The following CDKL4 variants were observed in gnomAD, a reference collection of about 807,000 sequenced individuals.
CDKL4 encodes the protein cyclin-dependent kinase-like 4.
CDKL4 carries 44 observed loss-of-function variants against 42.0 expected under a neutral mutation model. The ratio of observed to expected loss-of-function variants is 1.05; its 90% CI spans 0.82 to 1.35. The LOEUF is 1.35. CDKL4 is among the 40% of genes most tolerant of loss of function. The probability of loss-of-function intolerance (pLI) is 0.00; values close to 1 mark genes in which losing one functional copy is unlikely to be tolerated. For synonymous variants in CDKL4, 120 were observed against 121.6 expected (o/e 0.99, Z 0.09); for missense variants, 393 against 369.9 (o/e 1.06, Z -0.51).
chr2:39,192,940 A>C (rs1676275070), intron 5 of CDKL4, among the ~76,000 whole-genome samples: 1 of 148,560 alleles, frequency 6.7e-6, no homozygotes, highest in East Asian at 2.0e-4. Flanking sequence ...AGCCTGGGCA[A>C]CATGGTGAAA....
downstream of CDKL4, among the ~76,000 whole-genome samples, chr2:39,173,812 CA>C (rs548800502): frequency 0.037 from 3,513 of 95,116 alleles, 69 homozygotes; most frequent in African/African-American, 0.057. Flanking sequence ...GACTCCATCT[CA>C]AAAAAAAAAA....
intron 3 of CDKL4, among the ~76,000 whole-genome samples, chr2:39,223,579 C>CT (rs1678503887): frequency 8.2e-6 from 1 of 122,676 alleles, no homozygotes; most frequent in African/African-American, 3.4e-5. Flanking sequence ...TCATTTCCTT[C>CT]TCTTTTTTTT....
rs138511231 is a variant in CDKL4, at chr2:39,235,109, C to T, written c.-56-5521G>A. 6.6e-3 allele frequency among the ~76,000 whole-genome samples: 1,004 copies of T among 152,058 alleles called. 11 individuals carry two copies. Among genetic ancestry groups the T allele is most frequent in the African/African-American group, 0.023 (964 of 41,472 alleles). ...CCAGGGCTGGTCTCAAACTCCTGGG[C>T]TAAATCGATTTTCCCACCTTGGCCT... On this transcript the variant is annotated intron_variant, in intron 1 of 9. Coordinates refer to ENST00000451199, the Ensembl canonical transcript of CDKL4.
intron 3 of CDKL4, among the ~76,000 whole-genome samples, chr2:39,218,503 C>A (rs533380792): frequency 6.6e-6 from 1 of 151,630 alleles, no homozygotes; most frequent in Non-Finnish European, 1.5e-5. Context: ...TCTCAAAAAA[C>A]AAAAAAAACC....
chr2:39,180,356 T>C (rs1675364620), intron 8 of CDKL4, among the ~76,000 whole-genome samples: 1 of 152,232 alleles, frequency 6.6e-6, no homozygotes, highest in Non-Finnish European at 1.5e-5. Context: ...GCCCAGACAA[T>C]TGCGTTGCCT....
chr2:39,226,465 T>TTATATATATATTATATATATTA (rs1558580595), intron 2 of CDKL4, among the ~76,000 whole-genome samples: 8 of 102,792 alleles, frequency 7.8e-5, no homozygotes, highest in South Asian at 3.0e-4. Flanking sequence ...ATTATATATA[T>TTATATATATATTATATATATTA]TATATATATA....
chr2:39,214,786 G>A (rs1677813611), intron 3 of CDKL4, among the ~76,000 whole-genome samples: 1 of 152,132 alleles, frequency 6.6e-6, no homozygotes, highest in South Asian at 2.1e-4. Flanking sequence ...CCAAAAGGCG[G>A]CCAGGGAGAA....
intron 1 of CDKL4, among the ~76,000 whole-genome samples, chr2:39,238,007 G>A (rs1391833987): frequency 2.0e-5 from 3 of 152,192 alleles, no homozygotes; most frequent in Non-Finnish European, 4.4e-5. Context: ...CAACTGAAGT[G>A]CAAGACCTGC....
chr2:39,203,611 T>C (rs1676985495), intron 5 of CDKL4, among the ~76,000 whole-genome samples: 1 of 152,216 alleles, frequency 6.6e-6, no homozygotes, highest in African/African-American at 2.4e-5. Flanking sequence ...GTTTTCACTT[T>C]CCTTTTTCTC....
intron 7 of CDKL4, among the ~76,000 whole-genome samples, chr2:39,185,425 TACATATGTATATATACATGTATATATAC>T (rs1675758678): frequency 1.0e-4 from 2 of 19,868 alleles, no homozygotes; most frequent in Non-Finnish European, 4.6e-4. Flanking sequence ...CATATATATA[TACATATGTATATATACATGTATATATAC>T]ATATGTGTAT....
Position 39,217,943 on chromosome 2 carries a change from G to A in CDKL4, c.291-4471C>T, listed in dbSNP as rs370801366. 5.3e-5 allele frequency among the ~76,000 whole-genome samples: 8 copies of A among 152,080 alleles called. No individual in the cohort carries two copies. In the East Asian group the frequency reaches 1.6e-3, roughly 30 times the overall value. On this transcript the variant is annotated intron_variant, in intron 3 of 9. Transcript: ENST00000451199. ...AGATGGGGTTTCTTCATGTTGGTCAGGCTGGTCTTGAACTCCTGACCTCAG... is the reference window on the plus strand; with the variant it reads ...AGATGGGGTTTCTTCATGTTGGTCAAGCTGGTCTTGAACTCCTGACCTCAG...
exon 3 of CDKL4, chr2:39,225,906 T>C (rs776084989): frequency 1.2e-6 from 2 of 1,611,940 alleles, no homozygotes; most frequent in Admixed American, 3.4e-5. Flanking sequence ...AAATGCATTT[T>C]CCTTTTTCTC....
At position 39,190,250 on chromosome 2, in the gene CDKL4, CAT is replaced by C. The variant is rs1197861150; in HGVS notation, c.652+53_652+54del. 3 of 1,207,082 alleles carry C rather than the reference CAT, an allele frequency of 2.5e-6. No homozygotes were observed. The African/African-American group carries it at 4.6e-5, about 18-fold the overall frequency. 74.8% of individuals were successfully genotyped at this position (1,207,082 alleles called of 1,614,324 possible). A position where few individuals can be genotyped will look rare whatever the true frequency, so the allele number is the denominator to read the frequency against. ...ATTTATTTATTTTTTATTATAGTAACATATGAATGCTATAACAATTCAGCAAC... is the reference window on the plus strand; with the variant it reads ...ATTTATTTATTTTTTATTATAGTAACATGAATGCTATAACAATTCAGCAAC... On this transcript the variant is annotated intron_variant, in intron 6 of 9. Coordinates refer to ENST00000451199, the Ensembl canonical transcript of CDKL4.
chr2:39,176,782 C>G (rs1675186114), intron 9 of CDKL4, among the ~76,000 whole-genome samples: 1 of 152,170 alleles, frequency 6.6e-6, no homozygotes. Context: ...GGCTTAAAAC[C>G]TCTTTACTAT....
chr2:39,200,011 T>TA (rs1330631307), intron 5 of CDKL4, among the ~76,000 whole-genome samples: 1 of 151,894 alleles, frequency 6.6e-6, no homozygotes, highest in African/African-American at 2.4e-5. Flanking sequence ...GAGAAAAAAA[T>TA]AAAGGGCATC....
chr2:39,188,754 A>C (rs1391288156), intron 6 of CDKL4, among the ~76,000 whole-genome samples: 1 of 151,898 alleles, frequency 6.6e-6, no homozygotes, highest in East Asian at 1.9e-4. Context: ...CAGTGGCATG[A>C]TCATGGCTCA....
rs558526303 is a variant in CDKL4, at chr2:39,194,761, A to T, written c.455-4259T>A. ...CTTTAAAATTTTTATCTCTCTGTGT[A>T]TATCTATATATCTATATATAGGAGG... On this transcript the variant is annotated intron_variant, in intron 5 of 9. Transcript: ENST00000451199. 3.9e-5 allele frequency among the ~76,000 whole-genome samples: 6 copies of T among 152,280 alleles called. No homozygotes were observed. The East Asian group carries it at 1.2e-3, about 29-fold the overall frequency.
At chr2:39,186,654 T>C (rs1322889895) in intron 7 of CDKL4, among the ~76,000 whole-genome samples, 1 of 152,196 alleles carries the variant, frequency 6.6e-6, no homozygotes, top group East Asian at 1.9e-4. Flanking sequence ...GGGGATCATT[T>C]TGTAAAACAA....
chr2:39,203,435 T>C (rs939507367), intron 5 of CDKL4, among the ~76,000 whole-genome samples: 1 of 152,116 alleles, frequency 6.6e-6, no homozygotes, highest in African/African-American at 2.4e-5. Context: ...ATTTTGGTGG[T>C]ATATAATGGA....
Sources: gnomAD v4.1 joint callset for allele counts (sites outside exome capture counted in the v4.1 genomes callset) on GRCh38, gnomAD v4.1.1 for gene constraint, MANE v1.5 for transcripts, NCBI Gene and HGNC (gene_info 2026-07-23, HGNC 2026-07-21) for gene names.